The following AKAP9 variants were observed in gnomAD, a reference collection of about 807,000 sequenced individuals.
The protein encoded by AKAP9 is A-kinase anchoring protein 9.
A neutral mutation model predicts 488.5 loss-of-function variants in AKAP9; 311 were observed. The ratio of observed to expected loss-of-function variants is 0.64; its 90% confidence interval spans 0.58 to 0.70. The LOEUF (loss-of-function observed/expected upper bound fraction) is 0.70, where lower values mean the gene tolerates loss of function less well. AKAP9 is among the 30% of genes least tolerant of loss of function. The pLI is 0.00. For synonymous variants in AKAP9, 1,462 were observed against 1,483.5 expected, an observed-to-expected ratio of 0.99 and a Z score of 0.33; for missense variants, 4,215 against 4,374.5, an observed-to-expected ratio of 0.96 and a Z score of 1.03.
chr7:92,101,088 C>T (rs760688351), intron 45 of AKAP9, 32 bp downstream of exon 45: 1 of 1,597,884 alleles, frequency 6.3e-7, no homozygotes, highest in Middle Eastern at 2.1e-4. Context: ...AACATCACAG[C>T]TGGTTCTATG....
rs765111851 is a variant in AKAP9, at chr7:92,017,008, AC to A, written c.3752-7del. On this transcript the variant is annotated splice_region_variant and splice_polypyrimidine_tract_variant and intron_variant, in intron 11 of 49. Transcript: ENST00000356239. ...GTGAAATTATTGTAATTGTTTGTTT[AC>A]CATCCAGACTTTCAAGAAAATATGC... 6.5e-7 allele frequency: 1 copy of A among 1,533,626 alleles called. No homozygotes were observed. Among genetic ancestry groups the A allele is most frequent in the South Asian group, 1.2e-5 (1 of 86,574 alleles).
chr7:92,089,545 A>G lies in AKAP9; in HGVS notation c.9358+16A>G. On this transcript the variant is annotated intron_variant, in intron 38 of 49. Transcript: ENST00000356239. ...CCAAGCCAAGGTATGTTGTATGACA[A>G]GCTCATATGGTTACACAAACAGGTG... 1 of 1,612,036 alleles carries G rather than the reference A, an allele frequency of 6.2e-7. No homozygotes were observed. Among genetic ancestry groups the G allele is most frequent in the Non-Finnish European group, 8.5e-7 (1 of 1,178,790 alleles).
chr7:91,995,851 A>G (rs767926385), intron 7 of AKAP9, 51 bp downstream of exon 7: 218 of 1,422,210 alleles, frequency 1.5e-4, no homozygotes, highest in Non-Finnish European at 2.1e-4. Flanking sequence ...TTAGAGTTTC[A>G]AGTTTTTTAT....
chr7:92,051,700 G>A (rs1488754313), intron 21 of AKAP9, among the ~76,000 whole-genome samples: 2 of 152,170 alleles, frequency 1.3e-5, no homozygotes, highest in Non-Finnish European at 2.9e-5. Flanking sequence ...CTAATAAGTA[G>A]CTCTTATTTT....
At chr7:91,981,596 T>C (rs1229127040) in intron 3 of AKAP9, among the ~76,000 whole-genome samples, 1 of 147,868 alleles carries the variant, frequency 6.8e-6, no homozygotes, top group Non-Finnish European at 1.5e-5. Flanking sequence ...TTTTATATCT[T>C]GTATTTCTTT....
intron 5 of AKAP9, 121 bp downstream of exon 5, chr7:91,993,176 TTTCTTCTTC>T: frequency 9.7e-7 from 1 of 1,033,184 alleles, no homozygotes; most frequent in Non-Finnish European, 1.4e-6. Context: ...TTTCTTTTCT[TTTCTTCTTC>T]TTCTTCTTCT....
chr7:92,083,696 G>GT (rs753973830), intron 33 of AKAP9, 41 bp downstream of exon 33: 69 of 1,562,104 alleles, frequency 4.4e-5, no homozygotes, highest in Middle Eastern at 1.7e-4. Flanking sequence ...ACATTGTGTG[G>GT]TTTTTTAAAA....
At chr7:91,965,554 G>T (rs1794339034) in intron 1 of AKAP9, among the ~76,000 whole-genome samples, 1 of 152,232 alleles carries the variant, frequency 6.6e-6, no homozygotes, top group Non-Finnish European at 1.5e-5. Flanking sequence ...GTCCCAGTAG[G>T]GGAATTGCTG....
chr7:91,995,863 C>A, intron 7 of AKAP9, 63 bp downstream of exon 7: 1 of 1,298,234 alleles, frequency 7.7e-7, no homozygotes, highest in Non-Finnish European at 1.1e-6. Flanking sequence ...GTTTTTTATG[C>A]AAGTGGTTTT....
At chr7:91,996,135 A>G in intron 7 of AKAP9, 2 of 280,124 alleles carry the variant, frequency 7.1e-6, no homozygotes, top group Admixed American at 5.0e-5. Context: ...ACAGAGAGAA[A>G]TTTTATGGAT....
chr7:91,953,370 T>G (rs944303263), intron 1 of AKAP9, among the ~76,000 whole-genome samples: 1 of 152,186 alleles, frequency 6.6e-6, no homozygotes, highest in African/African-American at 2.4e-5. Flanking sequence ...GATTTTGAAT[T>G]GATAATTGTA....
At chr7:92,007,782 A>G (rs2130687295) in intron 8 of AKAP9, among the ~76,000 whole-genome samples, 1 of 152,332 alleles carries the variant, frequency 6.6e-6, no homozygotes, top group South Asian at 2.1e-4. Flanking sequence ...GCAGAATAGT[A>G]ATTGGTGTAT....
intron 1 of AKAP9, among the ~76,000 whole-genome samples, chr7:91,971,719 C>T (rs1285190346): frequency 6.6e-6 from 1 of 151,756 alleles, no homozygotes; most frequent in Non-Finnish European, 1.5e-5. Flanking sequence ...AGGCGCCTGC[C>T]ACCACTGCCG....
intron 29 of AKAP9, among the ~76,000 whole-genome samples, 161 bp from the exon 30 acceptor site, chr7:92,077,535 A>T (rs1812811527): frequency 6.6e-6 from 1 of 152,150 alleles, no homozygotes; most frequent in Non-Finnish European, 1.5e-5. Context: ...AAATTTTGGG[A>T]TCATTTATCA....
intron 1 of AKAP9, among the ~76,000 whole-genome samples, chr7:91,967,364 G>A (rs76343350): frequency 0.013 from 1,917 of 152,186 alleles, 36 homozygotes; most frequent in African/African-American, 0.043. Context: ...CATGAAAGTG[G>A]ACCTCCTTGT....
chr7:92,005,274 G>A (rs1799682410), intron 8 of AKAP9, among the ~76,000 whole-genome samples: 1 of 152,034 alleles, frequency 6.6e-6, no homozygotes, highest in Admixed American at 6.6e-5. Flanking sequence ...TGGGAATGTT[G>A]GAGAGGGTAG....
At chr7:92,040,029 T>C (rs1302561882) in intron 17 of AKAP9, among the ~76,000 whole-genome samples, 2 of 152,144 alleles carry the variant, frequency 1.3e-5, no homozygotes, top group African/African-American at 4.8e-5. Context: ...TTGTTAGGTG[T>C]TCTTCAAGAC....
At chr7:92,049,701 T>G (rs1807599265) in intron 21 of AKAP9, among the ~76,000 whole-genome samples, 1 of 152,140 alleles carries the variant, frequency 6.6e-6, no homozygotes, top group Non-Finnish European at 1.5e-5. Flanking sequence ...TTTTTTAAAT[T>G]TGGTTTTTTC....
Position 92,040,745 on chromosome 7 carries a change from A to G in AKAP9, c.4764A>G (p.Glu1588=), listed in dbSNP as rs778957233. Reference sequence around the variant, plus strand: ...TAATGTTGAATGAAGAACAGTTGGAAGATATGAGACAGGAACTTGTACGAC... The same window carrying G: ...TAATGTTGAATGAAGAACAGTTGGAGGATATGAGACAGGAACTTGTACGAC... ...RQLMLNEEQL[E]DMRQELVRQY... is the part of the protein sequence containing the mutation. The change falls in exon 18 of 50, where the codon GAA becomes GAG. Residue 1588 remains glutamate (E), a synonymous_variant. Transcript: ENST00000356239. The G allele has an allele frequency of 1.9e-6, 3 of 1,613,940 alleles. No individual in the cohort carries two copies. In the Admixed American group the frequency reaches 5.0e-5, roughly 27 times the overall value.
Sources: allele counts gnomAD v4.1 joint callset (sites outside exome capture counted in the v4.1 genomes callset), GRCh38; gene constraint gnomAD v4.1.1; transcripts MANE v1.5; gene names NCBI Gene and HGNC (gene_info 2026-07-23, HGNC 2026-07-21).